SBF2: variants seen among roughly 807,000 people sequenced by gnomAD.
SBF2 encodes myotubularin-related protein 13.
In SBF2, 112 loss-of-function variants were observed where a neutral mutation model predicts 225.2. That is an observed-to-expected ratio of 0.50 (90% CI 0.43 to 0.58). SBF2 has a LOEUF of 0.58. Ranked by LOEUF, SBF2 falls within the 20% of genes least tolerant of loss-of-function variation. SBF2 has a pLI of 0.00. For missense variants in SBF2, 1,996 were observed against 2,206.2 expected (o/e 0.90, Z 1.91); for synonymous variants, 763 against 773.3 (o/e 0.99, Z 0.22).
intron 1 of SBF2, among the ~76,000 whole-genome samples, chr11:10,261,722 C>T (rs1404965623): frequency 6.6e-6 from 1 of 152,128 alleles, no homozygotes; most frequent in Admixed American, 6.6e-5. Context: ...TGGAAACAGT[C>T]CGGGTATTCA....
chr11:9,888,487 G>A (rs1860521523), intron 17 of SBF2, among the ~76,000 whole-genome samples: 1 of 147,136 alleles, frequency 6.8e-6, no homozygotes, highest in Non-Finnish European at 1.5e-5. Flanking sequence ...TTGGGCAACA[G>A]AGCTAAAAAC....
intron 17 of SBF2, among the ~76,000 whole-genome samples, chr11:9,869,253 T>G (rs1590272784): frequency 6.6e-6 from 1 of 152,240 alleles, no homozygotes; most frequent in South Asian, 2.1e-4. Context: ...CACTATTAAA[T>G]TATTCTTAAA....
At chr11:10,032,714 C>T (rs1949304279) in intron 3 of SBF2, among the ~76,000 whole-genome samples, 1 of 152,206 alleles carries the variant, frequency 6.6e-6, no homozygotes, top group Non-Finnish European at 1.5e-5. Context: ...CTGTCAACTG[C>T]ACTAGCACAT....
chr11:9,796,091 A>G (rs964336983), intron 32 of SBF2, 134 bp from the exon 33 acceptor site: 26 of 869,870 alleles, frequency 3.0e-5, no homozygotes, highest in Middle Eastern at 2.2e-4. Context: ...AATCCCTACC[A>G]TAAGTAGAGA....
intron 1 of SBF2, among the ~76,000 whole-genome samples, chr11:10,273,841 T>TAGAAGACCAGAC (rs1962739937): frequency 1.3e-5 from 2 of 152,146 alleles, no homozygotes; most frequent in Non-Finnish European, 2.9e-5. Context: ...CTGACAGGAA[T>TAGAAGACCAGAC]AGGTTGTCTG....
At chr11:10,054,651 A>C (rs553605242) in intron 2 of SBF2, among the ~76,000 whole-genome samples, 1 of 152,350 alleles carries the variant, frequency 6.6e-6, no homozygotes, top group African/African-American at 2.4e-5. Flanking sequence ...AAATATTGTT[A>C]AACTATGGAT....
chr11:10,146,765 T>A (rs1954906238), intron 2 of SBF2, among the ~76,000 whole-genome samples: 2 of 152,100 alleles, frequency 1.3e-5, no homozygotes, highest in Admixed American at 1.3e-4. Context: ...CAAAAGAAAC[T>A]ATCAACAGAG....
intron 1 of SBF2, among the ~76,000 whole-genome samples, chr11:10,209,281 C>A (rs1957849152): frequency 6.7e-6 from 1 of 149,786 alleles, no homozygotes; most frequent in African/African-American, 2.5e-5. Context: ...ATGTCCCCTG[C>A]CTACAATGCT....
rs779854941 is a variant in SBF2, at chr11:9,809,014, G to C, written c.4156-12C>G. The C allele has an allele frequency of 1.4e-5, 22 of 1,604,256 alleles. No homozygotes were observed. The highest frequency in any genetic ancestry group is 1.8e-5 in the Non-Finnish European group (21 of 1,171,408). ...ATTATCCTGTGAAGCTAAGAGACAGGAAGGAGAACACAATTAGACCAAGCG... is the reference window on the plus strand; with the variant it reads ...ATTATCCTGTGAAGCTAAGAGACAGCAAGGAGAACACAATTAGACCAAGCG... On this transcript the variant is annotated splice_polypyrimidine_tract_variant and intron_variant, in intron 30 of 39. Coordinates refer to ENST00000256190, the MANE Select transcript of SBF2 (RefSeq NM_030962.4).
chr11:10,257,479 C>G (rs966868161), intron 1 of SBF2, among the ~76,000 whole-genome samples: 1 of 151,640 alleles, frequency 6.6e-6, no homozygotes, highest in Non-Finnish European at 1.5e-5. Context: ...CACCTATTAT[C>G]AGTAGAAACC....
chr11:9,887,398 A>G (rs1860424349), intron 17 of SBF2, among the ~76,000 whole-genome samples: 1 of 152,130 alleles, frequency 6.6e-6, no homozygotes, highest in Non-Finnish European at 1.5e-5. Context: ...AACTAATTAT[A>G]ATAATTCATA....
In SBF2 at chr11:10,001,802, A is replaced by C. The variant is rs553874302; in HGVS notation, c.752+755T>G. Among the ~76,000 whole-genome samples the C allele has an allele frequency of 2.0e-5, 3 of 152,274 alleles. No individual in the cohort carries two copies. In the East Asian group the frequency reaches 5.8e-4, roughly 29 times the overall value. On this transcript the variant is annotated intron_variant, in intron 7 of 39. Transcript: ENST00000256190. ...CGGCCTACCAAAGTGCTGGGATTAC[A>C]GGTGTGAGCCACTGCGCCTGGCCAA...
Position 9,780,084 on chromosome 11 carries a change from C to A in SBF2, c.*334G>T. The A allele has an allele frequency of 5.7e-6, 2 of 353,694 alleles. No individual in the cohort carries two copies. Among genetic ancestry groups the A allele is most frequent in the South Asian group, 5.3e-5 (2 of 37,840 alleles). 21.9% of individuals were successfully genotyped at this position (353,694 alleles called of 1,614,324 possible). ...TCAGAGAACAAAAAAGGATCTATAG[C>A]TTTCATGAAGAAGGACCCAAGTAGG... On this transcript the variant is annotated 3_prime_UTR_variant, in exon 40 of 40. Coordinates refer to ENST00000256190, the MANE Select transcript of SBF2 (RefSeq NM_030962.4).
At chr11:10,252,683 G>A (rs892550784) in intron 1 of SBF2, among the ~76,000 whole-genome samples, 7 of 152,004 alleles carry the variant, frequency 4.6e-5, no homozygotes, top group Admixed American at 6.6e-5. Flanking sequence ...GGTGGCAGGC[G>A]CCTGTAGTCC....
At chr11:9,853,764 A>G (rs1463790393) in intron 19 of SBF2, 52 bp from the exon 20 acceptor site, 1 of 1,512,470 alleles carries the variant, frequency 6.6e-7, no homozygotes, top group Non-Finnish European at 9.2e-7. Context: ...GCAACAAATG[A>G]CTACTATATA....
chr11:10,173,923 T>C (rs981645547), intron 2 of SBF2, among the ~76,000 whole-genome samples: 10 of 151,608 alleles, frequency 6.6e-5, no homozygotes, highest in South Asian at 2.1e-4. Flanking sequence ...CAGGGCCGGG[T>C]ACTCCAACAG....
chr11:9,784,795 G>C, intron 37 of SBF2: 1 of 496,724 alleles, frequency 2.0e-6, no homozygotes, highest in Non-Finnish European at 3.6e-6. Flanking sequence ...ATTCCTTTTT[G>C]CTTCAGCTAG....
chr11:9,792,668 G>A (rs982083848), intron 33 of SBF2, among the ~76,000 whole-genome samples: 15 of 152,122 alleles, frequency 9.9e-5, no homozygotes, highest in African/African-American at 3.1e-4. Flanking sequence ...GATTAGGTGG[G>A]TGGCCTAACA....
chr11:10,239,746 C>T (rs570089929), intron 1 of SBF2, among the ~76,000 whole-genome samples: 2 of 151,878 alleles, frequency 1.3e-5, no homozygotes, highest in Admixed American at 6.6e-5. Flanking sequence ...CAAGAGAAAA[C>T]GCAAAATGCA....
Sources: allele counts gnomAD v4.1 joint callset (sites outside exome capture counted in the v4.1 genomes callset), GRCh38; gene constraint gnomAD v4.1.1; transcripts MANE v1.5; gene names NCBI Gene and HGNC (gene_info 2026-07-23, HGNC 2026-07-21).